Variants in SLC35F1 observed in about 807,000 individuals in gnomAD.
SLC35F1 encodes solute carrier family 35 member F1.
SLC35F1 carries 14 observed loss-of-function variants against 48.7 expected under a neutral mutation model. The observed-to-expected ratio is 0.29, with a 90% confidence interval of 0.19 to 0.45. SLC35F1 has a LOEUF of 0.45. Ranked by LOEUF, SLC35F1 falls within the 20% of genes least tolerant of loss-of-function variation. The pLI is 1.00. For synonymous variants in SLC35F1, 190 were observed against 202.2 expected (o/e 0.94, Z 0.51); for missense variants, 404 against 500.0 (o/e 0.81, Z 1.83).
At chr6:117,948,869 G>A (rs1296996425) in intron 1 of SLC35F1, among the ~76,000 whole-genome samples, 1 of 152,066 alleles carries the variant, frequency 6.6e-6, no homozygotes, top group Non-Finnish European at 1.5e-5. Flanking sequence ...AAGGATCAGA[G>A]TTTCTCGGGG....
intron 1 of SLC35F1, among the ~76,000 whole-genome samples, chr6:118,062,414 A>G (rs960561495): frequency 1.3e-5 from 2 of 152,220 alleles, no homozygotes; most frequent in African/African-American, 4.8e-5. Flanking sequence ...TTTATGGGGT[A>G]CATGAGGTAT....
At chr6:118,255,225 G>A (rs1775627036) in intron 3 of SLC35F1, among the ~76,000 whole-genome samples, 1 of 152,118 alleles carries the variant, frequency 6.6e-6, no homozygotes, top group Non-Finnish European at 1.5e-5. Context: ...ATTGCCAGGT[G>A]ACTTCAAGAA....
chr6:118,109,272 G>T (rs1171708405), intron 1 of SLC35F1, among the ~76,000 whole-genome samples: 2 of 152,180 alleles, frequency 1.3e-5, no homozygotes, highest in Admixed American at 6.6e-5. Flanking sequence ...GGTGTCTAAA[G>T]GTTTATAATT....
At chr6:118,282,413 A>G (rs1004341788) in intron 6 of SLC35F1, among the ~76,000 whole-genome samples, 1 of 125,386 alleles carries the variant, frequency 8.0e-6, no homozygotes, top group Non-Finnish European at 1.8e-5. Context: ...CCCTACCTCT[A>G]ATTTCTGCAA....
intron 2 of SLC35F1, among the ~76,000 whole-genome samples, chr6:118,210,750 C>A (rs1427231494): frequency 6.6e-6 from 1 of 152,126 alleles, no homozygotes; most frequent in Non-Finnish European, 1.5e-5. Flanking sequence ...GTTATGTATC[C>A]AATTCTAAAT....
chr6:118,286,553 G>T (rs2114642962), intron 7 of SLC35F1, among the ~76,000 whole-genome samples: 1 of 152,294 alleles, frequency 6.6e-6, no homozygotes. Context: ...ATCAGAAACA[G>T]ATCTGAGAGA....
chr6:118,297,691 T>TTA (rs1223630811), intron 7 of SLC35F1, among the ~76,000 whole-genome samples: 1 of 114,456 alleles, frequency 8.7e-6, no homozygotes, highest in Non-Finnish European at 1.8e-5. Context: ...GAAATATATA[T>TTA]TATATATATA....
intron 1 of SLC35F1, among the ~76,000 whole-genome samples, chr6:117,972,571 CA>C (rs1362927767): frequency 1.1e-4 from 16 of 152,278 alleles, no homozygotes; most frequent in Non-Finnish European, 1.9e-4. Context: ...AGGGAGGCCT[CA>C]CAATCATGGC....
chr6:118,060,103 T>A (rs1002496817), intron 1 of SLC35F1, among the ~76,000 whole-genome samples: 2 of 152,220 alleles, frequency 1.3e-5, no homozygotes, highest in African/African-American at 4.8e-5. Flanking sequence ...ACATGGACTT[T>A]AGCACCAGAC....
chr6:117,908,209 C>T (rs1299029330), intron 1 of SLC35F1, among the ~76,000 whole-genome samples: 2 of 152,092 alleles, frequency 1.3e-5, no homozygotes, highest in Non-Finnish European at 2.9e-5. Context: ...CGCGTGCCGC[C>T]TCACTTCCCT....
At chr6:117,923,733 A>G (rs1163187965) in intron 1 of SLC35F1, among the ~76,000 whole-genome samples, 1 of 98,570 alleles carries the variant, frequency 1.0e-5, no homozygotes, top group Non-Finnish European at 2.1e-5. Flanking sequence ...ATACATATGT[A>G]TATATACATA....
chr6:118,119,513 T>A (rs2114398948), intron 1 of SLC35F1, among the ~76,000 whole-genome samples: 2 of 71,158 alleles, frequency 2.8e-5, no homozygotes, highest in Middle Eastern at 0.021. Context: ...CCACCCCGCT[T>A]TTTTTTTTGA....
intron 3 of SLC35F1, among the ~76,000 whole-genome samples, chr6:118,239,293 G>C (rs761778661): frequency 1.1e-4 from 17 of 150,338 alleles, no homozygotes; most frequent in Non-Finnish European, 2.1e-4. Context: ...TTGATTTCCA[G>C]TATTTTGGTG....
intron 1 of SLC35F1, among the ~76,000 whole-genome samples, chr6:118,038,616 A>ATTT (rs752568572): frequency 1.7e-4 from 26 of 151,634 alleles, no homozygotes; most frequent in Non-Finnish European, 2.8e-4. Context: ...ACTTCTAAAT[A>ATTT]TTTTATTATT....
At chr6:118,305,754 T>C (rs1241177002) in intron 7 of SLC35F1, among the ~76,000 whole-genome samples, 1 of 152,212 alleles carries the variant, frequency 6.6e-6, no homozygotes, top group Non-Finnish European at 1.5e-5. Flanking sequence ...ATTTGCTATA[T>C]ATACACACAC....
At chr6:117,921,866 A>G (rs1412458801) in intron 1 of SLC35F1, among the ~76,000 whole-genome samples, 2 of 152,206 alleles carry the variant, frequency 1.3e-5, no homozygotes, top group African/African-American at 4.8e-5. Flanking sequence ...GTCAAAGAAA[A>G]TAGTGATTAT....
intron 1 of SLC35F1, among the ~76,000 whole-genome samples, chr6:118,122,246 GAAA>G (rs59588804): frequency 7.1e-6 from 1 of 140,520 alleles, no homozygotes; most frequent in African/African-American, 2.6e-5. Flanking sequence ...GTTCTACTCA[GAAA>G]AAAAAAAAAC....
chr6:118,085,089 A>G lies in SLC35F1; in HGVS notation c.174-69356A>G, dbSNP rs956848019. Reference sequence around the variant, plus strand: ...CTGGGCCAAGCAGTTAGAACGGGATAGTATGTTCCTTACTGCCATCACATT... The same window carrying G: ...CTGGGCCAAGCAGTTAGAACGGGATGGTATGTTCCTTACTGCCATCACATT... On this transcript the variant is annotated intron_variant, in intron 1 of 7. Coordinates refer to ENST00000360388, the MANE Select transcript of SLC35F1 (RefSeq NM_001029858.4). Among the ~76,000 whole-genome samples, 8 of 132,088 alleles carry G rather than the reference A, an allele frequency of 6.1e-5. No homozygotes were observed. The East Asian group carries it at 1.6e-3, about 26-fold the overall frequency. The allele number at this position is 132,088 out of a possible 152,430, so 86.7% of individuals were successfully genotyped here. A position where few individuals can be genotyped will look rare whatever the true frequency, so the allele number is the denominator to read the frequency against.
intron 2 of SLC35F1, among the ~76,000 whole-genome samples, chr6:118,179,390 A>G (rs1774538779): frequency 6.6e-6 from 1 of 152,168 alleles, no homozygotes; most frequent in Non-Finnish European, 1.5e-5. Flanking sequence ...GTCTGAGGGC[A>G]GAAGATGAAT....
Sources: gnomAD v4.1 joint callset for allele counts (sites outside exome capture counted in the v4.1 genomes callset) on GRCh38, gnomAD v4.1.1 for gene constraint, MANE v1.5 for transcripts, NCBI Gene and HGNC (gene_info 2026-07-23, HGNC 2026-07-21) for gene names.